Variants in SHOC1 observed in about 807,000 individuals in gnomAD.
SHOC1 encodes protein shortage in chiasmata 1 ortholog.
Under a neutral mutation model 179.2 loss-of-function variants are expected in SHOC1, and 136 were observed. The ratio of observed to expected loss-of-function variants is 0.76; its 90% CI spans 0.66 to 0.87. The LOEUF (loss-of-function observed/expected upper bound fraction) is 0.87, where lower values mean the gene tolerates loss of function less well. Ranked by LOEUF, SHOC1 falls within the 40% of genes least tolerant of loss-of-function variation. The probability of loss-of-function intolerance (pLI) is 0.00; values close to 1 mark genes in which losing one functional copy is unlikely to be tolerated. For missense variants in SHOC1, 1,538 were observed against 1,700.8 expected (o/e 0.90, Z 1.68); for synonymous variants, 489 against 586.6 (o/e 0.83, Z 2.41).
At chr9:111,784,280 T>C (rs1331040135) in intron 3 of SHOC1, among the ~76,000 whole-genome samples, 1 of 152,164 alleles carries the variant, frequency 6.6e-6, no homozygotes, top group Non-Finnish European at 1.5e-5. Flanking sequence ...CTTTCCCTAT[T>C]TTAGGAAATG....
intron 2 of SHOC1, among the ~76,000 whole-genome samples, chr9:111,787,449 G>C (rs1189615422): frequency 6.6e-6 from 1 of 152,140 alleles, no homozygotes; most frequent in Admixed American, 6.5e-5. Context: ...TGACTTTCAG[G>C]GATTCAAGAC....
At position 111,713,173 on chromosome 9, in the gene SHOC1, C is replaced by G; in HGVS notation, c.2416-1G>C. On this transcript the variant is annotated splice_acceptor_variant, in intron 17 of 27. Transcript: ENST00000682961. LOFTEE classifies it high-confidence loss of function. ...AGTCCATTCTTATTATAATCAGTAC[C>G]TAGTCAAAAATAAAAATTTCATATA... is the stretch of plus-strand genomic sequence containing the variant. 6.7e-7 allele frequency: 1 copy of G among 1,496,566 alleles called. No homozygotes were observed. Among genetic ancestry groups the G allele is most frequent in the Non-Finnish European group, 9.2e-7 (1 of 1,092,008 alleles). 92.7% of individuals were successfully genotyped at this position (1,496,566 alleles called of 1,614,324 possible). A position where few individuals can be genotyped will look rare whatever the true frequency, so the allele number is the denominator to read the frequency against.
chr9:111,769,436 T>A (rs920174754), intron 5 of SHOC1, among the ~76,000 whole-genome samples: 3 of 152,154 alleles, frequency 2.0e-5, no homozygotes, highest in Admixed American at 6.5e-5. Flanking sequence ...TTATTACTCA[T>A]CATTGGTTTG....
intron 11 of SHOC1, among the ~76,000 whole-genome samples, chr9:111,740,565 T>G (rs936172800): frequency 6.6e-6 from 1 of 152,098 alleles, no homozygotes; most frequent in African/African-American, 2.4e-5. Flanking sequence ...ATAAACAAGT[T>G]TTGCTAAAAT....
At chr9:111,719,906 G>T (rs1832961448) in intron 15 of SHOC1, among the ~76,000 whole-genome samples, 1 of 152,166 alleles carries the variant, frequency 6.6e-6, no homozygotes, top group Non-Finnish European at 1.5e-5. Context: ...TAAGTTTAAT[G>T]AATTTAGAAA....
intron 1 of SHOC1, among the ~76,000 whole-genome samples, chr9:111,792,459 G>T (rs1836480924): frequency 6.6e-6 from 1 of 152,034 alleles, no homozygotes; most frequent in Non-Finnish European, 1.5e-5. Context: ...AAAATTAGCT[G>T]GGCGTGGTGG....
chr9:111,757,215 G>A (rs2131562387), intron 7 of SHOC1, among the ~76,000 whole-genome samples: 1 of 152,220 alleles, frequency 6.6e-6, no homozygotes, highest in African/African-American at 2.4e-5. Context: ...CCATTCTCCT[G>A]CCTCAGCCTC....
chr9:111,782,288 G>T (rs557684418), intron 3 of SHOC1, among the ~76,000 whole-genome samples: 1 of 152,236 alleles, frequency 6.6e-6, no homozygotes, highest in African/African-American at 2.4e-5. Context: ...TTAATCCTTG[G>T]ACTGCTACTT....
intron 24 of SHOC1, among the ~76,000 whole-genome samples, chr9:111,698,366 T>C (rs1340424109): frequency 1.3e-5 from 2 of 152,244 alleles, no homozygotes; most frequent in African/African-American, 4.8e-5. Context: ...AATTAATTTT[T>C]CTGTAAGGTG....
At chr9:111,777,497 ATC>A (rs1835880648) in intron 4 of SHOC1, among the ~76,000 whole-genome samples, 1 of 152,154 alleles carries the variant, frequency 6.6e-6, no homozygotes, top group East Asian at 1.9e-4. Context: ...GTTAGGTTTG[ATC>A]TCTTTCACTG....
At chr9:111,721,809 C>T (rs560194050) in intron 15 of SHOC1, among the ~76,000 whole-genome samples, 109 of 152,248 alleles carry the variant, frequency 7.2e-4, no homozygotes, top group African/African-American at 2.5e-3. Flanking sequence ...CTTAAATTGT[C>T]TACCAGGCTC....
At chr9:111,697,914 T>A (rs1831779258) in intron 24 of SHOC1, among the ~76,000 whole-genome samples, 2 of 152,208 alleles carry the variant, frequency 1.3e-5, no homozygotes, top group Non-Finnish European at 2.9e-5. Context: ...CTCATTGTGG[T>A]TTTGATTTGC....
chr9:111,748,971 C>CCCCT (rs72344753), intron 8 of SHOC1, among the ~76,000 whole-genome samples: 12 of 59,348 alleles, frequency 2.0e-4, no homozygotes, highest in South Asian at 1.0e-3. Flanking sequence ...CTTTTATTTT[C>CCCCT]CCCTCCCTCC....
At chr9:111,781,750 A>AATTAATTAATTAATT (rs1554724113) in intron 3 of SHOC1, among the ~76,000 whole-genome samples, 14 of 150,890 alleles carry the variant, frequency 9.3e-5, no homozygotes, top group African/African-American at 1.2e-4. Context: ...ATAAATAAAT[A>AATTAATTAATTAATT]AATTTGTATG....
At chr9:111,707,820 G>GT in intron 19 of SHOC1, 35 bp downstream of exon 19, 1 of 1,383,444 alleles carries the variant, frequency 7.2e-7, no homozygotes, top group Non-Finnish European at 1.0e-6. Context: ...AAACTGGTAC[G>GT]TTTGTTCCTC....
chr9:111,772,095 CT>C (rs1281932305), intron 5 of SHOC1, among the ~76,000 whole-genome samples: 1 of 151,848 alleles, frequency 6.6e-6, no homozygotes, highest in Non-Finnish European at 1.5e-5. Flanking sequence ...CTTTTTCTTT[CT>C]TTTTTCTTTT....
intron 12 of SHOC1, among the ~76,000 whole-genome samples, chr9:111,728,354 TCAAA>T (rs1233833840): frequency 6.6e-6 from 1 of 152,052 alleles, no homozygotes; most frequent in Non-Finnish European, 1.5e-5. Flanking sequence ...ACTCCATGGG[TCAAA>T]CACTTACCTA....
intron 7 of SHOC1, among the ~76,000 whole-genome samples, 162 bp from the exon 8 acceptor site, chr9:111,756,640 A>G (rs1040578601): frequency 2.6e-5 from 4 of 152,264 alleles, no homozygotes; most frequent in African/African-American, 4.8e-5. Context: ...ACAGAAATGT[A>G]GCAGCTAAAA....
At chr9:111,715,486 CT>C (rs1050985664) in intron 16 of SHOC1, among the ~76,000 whole-genome samples, 26 of 152,276 alleles carry the variant, frequency 1.7e-4, no homozygotes, top group African/African-American at 6.0e-4. Flanking sequence ...AGACCTCCCC[CT>C]GATTCTCCAT....
Sources: gnomAD v4.1 joint callset for allele counts (sites outside exome capture counted in the v4.1 genomes callset) on GRCh38, gnomAD v4.1.1 for gene constraint, MANE v1.5 for transcripts, NCBI Gene and HGNC (gene_info 2026-07-23, HGNC 2026-07-21) for gene names.